Variants in DNAAF1 observed in about 807,000 individuals in gnomAD.
DNAAF1 encodes the protein dynein axonemal assembly factor 1.
A neutral mutation model predicts 71.1 loss-of-function variants in DNAAF1; 65 were observed. The observed-to-expected ratio is 0.91, with a 90% CI of 0.75 to 1.12. The LOEUF is 1.12. Ranked by LOEUF, DNAAF1 falls within the 50% of genes most tolerant of loss-of-function variation. DNAAF1 has a pLI of 0.00. For missense variants in DNAAF1, 1,178 were observed against 899.8 expected, an observed-to-expected ratio of 1.31 and a Z score of -3.96; for synonymous variants, 414 against 354.6, an observed-to-expected ratio of 1.17 and a Z score of -1.88.
chr16:84,148,952 G>A (rs945585025), intron 1 of DNAAF1, 55 bp from the exon 2 acceptor site: 19 of 1,600,630 alleles, frequency 1.2e-5, no homozygotes, highest in East Asian at 4.5e-5. Context: ...GAAGTTGGGG[G>A]TATTTTTTGG....
At chr16:84,150,448 A>G in intron 3 of DNAAF1, 106 bp downstream of exon 3, 2 of 874,880 alleles carry the variant, frequency 2.3e-6, no homozygotes, top group Non-Finnish European at 3.8e-6. Context: ...AATGTATCTA[A>G]GCAGGAAATT....
intron 9 of DNAAF1, chr16:84,172,802 C>CGGAG: frequency 9.4e-7 from 1 of 1,063,664 alleles, no homozygotes; most frequent in South Asian, 3.1e-5. Context: ...CCTCCGTGGA[C>CGGAG]ACCGCCCAGC....
At chr16:84,148,930 A>G (rs1325600307) in intron 1 of DNAAF1, 77 bp from the exon 2 acceptor site, 4 of 1,553,750 alleles carry the variant, frequency 2.6e-6, no homozygotes, top group Non-Finnish European at 3.5e-6. Flanking sequence ...GTGGATGGTC[A>G]TTAACCAAGC....
chr16:84,169,077 CTTTTTTTT>C (rs567267370), intron 7 of DNAAF1, among the ~76,000 whole-genome samples: 16 of 71,212 alleles, frequency 2.2e-4, no homozygotes, highest in East Asian at 8.8e-4. Flanking sequence ...CTCAAGGATA[CTTTTTTTT>C]TTTTTTTTTT....
At chr16:84,160,780 C>A (rs547735689) in intron 6 of DNAAF1, among the ~76,000 whole-genome samples, 2 of 150,816 alleles carry the variant, frequency 1.3e-5, no homozygotes, top group Non-Finnish European at 3.0e-5. Context: ...TAAAAGTACA[C>A]AAAAATTAGC....
intron 11 of DNAAF1, chr16:84,176,511 C>G: frequency 2.8e-6 from 2 of 726,882 alleles, no homozygotes; most frequent in Admixed American, 2.4e-5. Context: ...GCCAGGAAGC[C>G]ACCGAGCCAG....
intron 6 of DNAAF1, chr16:84,162,140 G>T (rs551784445): frequency 6.6e-6 from 1 of 152,268 alleles, no homozygotes; most frequent in African/African-American, 2.4e-5. Flanking sequence ...AGTATACTTT[G>T]CAACACCCTG....
intron 3 of DNAAF1, among the ~76,000 whole-genome samples, chr16:84,152,956 G>GA (rs112416069): frequency 0.18 from 23,387 of 131,632 alleles, 2,431 homozygotes; most frequent in African/African-American, 0.33. Context: ...GACTCCATCT[G>GA]AAAAAAAAAA....
In DNAAF1 at chr16:84,165,625, C is replaced by T. The variant is rs537491262; in HGVS notation, c.864-158C>T. On this transcript the variant is annotated intron_variant, in intron 6 of 11. Coordinates refer to ENST00000378553, the MANE Select transcript of DNAAF1 (RefSeq NM_178452.6). ...TCTAAGAAGGCTTTGCAGACTGTTC[C>T]ACCTTAAATAATAAAATTTACATGT... is the stretch of plus-strand genomic sequence containing the variant. 4.6e-5 allele frequency among the ~76,000 whole-genome samples: 7 copies of T among 152,238 alleles called. No individual in the cohort carries two copies. The South Asian group carries it at 1.2e-3, about 27-fold the overall frequency.
chr16:84,176,541 G>C (rs1424586132), intron 11 of DNAAF1: 1 of 609,564 alleles, frequency 1.6e-6, no homozygotes, highest in Non-Finnish European at 2.9e-6. Context: ...GGGCAGCCGA[G>C]TCTGACTGTG....
intron 8 of DNAAF1, 101 bp from the exon 9 acceptor site, chr16:84,172,159 G>A: frequency 1.8e-6 from 2 of 1,107,290 alleles, no homozygotes; most frequent in Non-Finnish European, 2.7e-6. Context: ...TTACAGGCAT[G>A]AGCCACCGAG....
In DNAAF1 at chr16:84,176,205, C is replaced by T. The variant is rs749959170; in HGVS notation, c.1971C>T (p.Gly657=). ...AGCTCAGCGACGAGGACCCCTCTGG[C>T]CAGCTACTGATGCCCCCCACCTGCC... ...IQELSDEDPS[G]QLLMPPTCQR... Residue 657 remains glycine, a synonymous_variant, in exon 11 of 12, where the codon GGC becomes GGT. Coordinates refer to ENST00000378553, the MANE Select transcript of DNAAF1 (RefSeq NM_178452.6). The T allele has an allele frequency of 5.6e-6, 9 of 1,613,762 alleles. No individual in the cohort carries two copies. Among genetic ancestry groups the T allele is most frequent in the South Asian group, 3.3e-5 (3 of 91,088 alleles).
At chr16:84,154,889 A>T (rs1380788098) in intron 4 of DNAAF1, 91 bp downstream of exon 4, 2 of 1,148,264 alleles carry the variant, frequency 1.7e-6, no homozygotes, top group Admixed American at 3.6e-5. Context: ...TATGGGCAAG[A>T]AGTGGTGTTT....
intron 5 of DNAAF1, chr16:84,159,012 T>C: frequency 1.0e-6 from 1 of 986,368 alleles, no homozygotes; most frequent in Non-Finnish European, 1.2e-6. Flanking sequence ...ATTACAGGAG[T>C]GAGCCACCAT....
chr16:84,152,024 G>A (rs969609671), intron 3 of DNAAF1, among the ~76,000 whole-genome samples: 12 of 152,382 alleles, frequency 7.9e-5, no homozygotes, highest in African/African-American at 2.2e-4. Context: ...GGGTGATCCA[G>A]AGAGCCTGAG....
At chr16:84,160,869 A>G (rs558199383) in intron 6 of DNAAF1, among the ~76,000 whole-genome samples, 68 of 151,858 alleles carry the variant, frequency 4.5e-4, no homozygotes, top group Admixed American at 1.4e-3. Flanking sequence ...CCCGGGAGGC[A>G]GAGCTTGCAG....
intron 2 of DNAAF1, among the ~76,000 whole-genome samples, chr16:84,149,442 A>G (rs1277936485): frequency 1.3e-5 from 2 of 152,196 alleles, no homozygotes; most frequent in Non-Finnish European, 2.9e-5. Context: ...CTGTAATCCC[A>G]GCACTTTGGG....
In DNAAF1 at chr16:84,176,300, G is replaced by A. The variant is rs768947212; in HGVS notation, c.2065+1G>A. On this transcript the variant is annotated splice_donor_variant, in intron 11 of 11. Transcript: ENST00000378553. LOFTEE classifies it high-confidence loss of function. ...GACTTCCTTGCAGCCTCTTCTCCGG[G>A]TAAGAGCGTGGGGCCGAGAGCACAG... The A allele has an allele frequency of 6.2e-7, 1 of 1,613,200 alleles. No individual in the cohort carries two copies. Among genetic ancestry groups the A allele is most frequent in the Non-Finnish European group, 8.5e-7 (1 of 1,179,938 alleles).
chr16:84,156,625 C>G (rs545326029), intron 5 of DNAAF1, among the ~76,000 whole-genome samples: 3 of 151,900 alleles, frequency 2.0e-5, no homozygotes, highest in African/African-American at 7.3e-5. Context: ...TGAACATTGC[C>G]TAGATTAATT....
Sources: allele counts gnomAD v4.1 joint callset (sites outside exome capture counted in the v4.1 genomes callset), GRCh38; gene constraint gnomAD v4.1.1; transcripts MANE v1.5; gene names NCBI Gene and HGNC (gene_info 2026-07-23, HGNC 2026-07-21).